TICAM1: variants seen among roughly 807,000 people sequenced by gnomAD.
The protein encoded by TICAM1 is TIR domain-containing adapter molecule 1.
For synonymous variants in TICAM1, 439 were observed against 415.4 expected (o/e 1.06, Z -0.69); for missense variants, 895 against 938.2 (o/e 0.95, Z 0.60).
intron 1 of TICAM1, among the ~76,000 whole-genome samples, chr19:4,825,744 G>A (rs1030225937): frequency 6.6e-6 from 1 of 151,926 alleles, no homozygotes; most frequent in Non-Finnish European, 1.5e-5. Context: ...GATCACCTGA[G>A]TTTAGAAGTT....
chr19:4,825,267 G>A (rs2093603837), intron 1 of TICAM1, among the ~76,000 whole-genome samples: 1 of 152,026 alleles, frequency 6.6e-6, no homozygotes, highest in South Asian at 2.1e-4. Context: ...GCGACAGAGC[G>A]AGACTCTGTC....
rs369756552 is a variant in TICAM1 at position 4,817,416 on chromosome 19, G to A, written c.962C>T (p.Pro321Leu). The A allele has an allele frequency of 1.5e-5, 25 of 1,613,930 alleles. No homozygotes were observed. Among genetic ancestry groups the A allele is most frequent in the Admixed American group, 1.0e-4 (6 of 59,974 alleles). The change falls in exon 2 of 2, where the codon CCG (proline) becomes CTG (leucine). Residue 321 changes from proline to leucine, a missense_variant. Coordinates refer to ENST00000248244, the MANE Select transcript of TICAM1 (RefSeq NM_182919.4). The surrounding 1 kb of genome is among the most constrained non-coding windows in gnomAD (Gnocchi z 4.7). The stretch of plus-strand genomic sequence containing the variant: ...TTTGACAGAGCAGGGGTTTTTGACC[G>A]GCTCCAGAATAGGCAAGGGGAGAGA... ...PQSLPLPILE[P>L]VKNPCSVKDQ... is the part of the protein sequence containing the mutation.
In TICAM1 at chr19:4,828,420, G is replaced by A. The variant is rs376545194; in HGVS notation, c.-140+3194C>T. On this transcript the variant is annotated intron_variant, in intron 1 of 1. Coordinates refer to ENST00000248244, the MANE Select transcript of TICAM1 (RefSeq NM_182919.4). Reference sequence around the variant, plus strand: ...CCCAGCTAATTATTAATGTTTTGTAGGGACGGGGTCTGGAACTCCTGGGCC... The same window carrying A: ...CCCAGCTAATTATTAATGTTTTGTAAGGACGGGGTCTGGAACTCCTGGGCC... Among the ~76,000 whole-genome samples the A allele has an allele frequency of 1.1e-3, 174 of 151,494 alleles. 4 individuals are homozygous for A. The highest frequency in any genetic ancestry group is 4.1e-3 in the African/African-American group (168 of 41,278).
intron 1 of TICAM1, among the ~76,000 whole-genome samples, chr19:4,824,525 G>A (rs1371200621): frequency 1.3e-5 from 2 of 151,008 alleles, no homozygotes. Context: ...AGTAGAGATG[G>A]GGTTGCCTCA....
rs779700744 is a variant in TICAM1, at chr19:4,817,112, G to A, written c.1266C>T (p.Pro422=). 3 of 1,613,990 alleles carry A rather than the reference G, an allele frequency of 1.9e-6. No homozygotes were observed. Among genetic ancestry groups the A allele is most frequent in the East Asian group, 2.2e-5 (1 of 44,880 alleles). ...AATCCTCGCAGAAGGTGGCCCCGTCGGGCACGCCAAGGGCCTCCAGCTTCT... is the reference window on the plus strand; with the variant it reads ...AATCCTCGCAGAAGGTGGCCCCGTCAGGCACGCCAAGGGCCTCCAGCTTCT... The part of the protein sequence containing the change: ...VREKLEALGV[P]DGATFCEDFQ... Residue 422 remains proline (P), a synonymous_variant, in exon 2 of 2, where the codon CCC becomes CCT. Transcript: ENST00000248244. The surrounding 1 kb of genome is among the most constrained non-coding windows in gnomAD (Gnocchi z 4.7).
intron 1 of TICAM1, among the ~76,000 whole-genome samples, chr19:4,824,403 C>T (rs1293790933): frequency 6.9e-6 from 1 of 144,884 alleles, no homozygotes; most frequent in Non-Finnish European, 1.5e-5. Flanking sequence ...GACGCAATCT[C>T]AGCTCACTGC....
chr19:4,818,880 C>CG lies in TICAM1; in HGVS notation c.-139-365dup, dbSNP rs1419372117. Among the ~76,000 whole-genome samples, 1 of 152,036 alleles carries CG rather than the reference C, an allele frequency of 6.6e-6. No homozygotes were observed. Among genetic ancestry groups the CG allele is most frequent in the Admixed American group, 6.6e-5 (1 of 15,216 alleles). ...ATCCCAGCAGTTGTGGAGGCCGAGG[C>CG]GGGGGGATCACCTGAGGTCAGGAGT... On this transcript the variant is annotated intron_variant, in intron 1 of 1. Coordinates refer to ENST00000248244, the MANE Select transcript of TICAM1 (RefSeq NM_182919.4). The surrounding 1 kb of genome is among the most constrained non-coding windows in gnomAD (Gnocchi z 4.0).
At chr19:4,828,736 C>T (rs1041473641) in intron 1 of TICAM1, among the ~76,000 whole-genome samples, 12 of 143,682 alleles carry the variant, frequency 8.4e-5, no homozygotes, top group African/African-American at 3.1e-4. Context: ...CCGAATCTCC[C>T]TCTGTCGCCA....
rs1462586366 is a variant in TICAM1 at position 4,818,694 on chromosome 19, G to A, written c.-139-178C>T. Among the ~76,000 whole-genome samples, 1 of 152,216 alleles carries A rather than the reference G, an allele frequency of 6.6e-6. No homozygotes were observed. The highest frequency in any genetic ancestry group is 1.5e-5 in the Non-Finnish European group (1 of 68,046). On this transcript the variant is annotated intron_variant, in intron 1 of 1. Coordinates refer to ENST00000248244, the MANE Select transcript of TICAM1 (RefSeq NM_182919.4). The surrounding 1 kb of genome is among the most constrained non-coding windows in gnomAD (Gnocchi z 4.0). The stretch of plus-strand genomic sequence containing the variant: ...TCCTCTGCAAAATGCTATGAGGCCA[G>A]TGTGGTGGCTCAGGCCTGTGATCTC...
rs891974684 is a variant in TICAM1 at position 4,826,038 on chromosome 19, G to A, written c.-140+5576C>T. On this transcript the variant is annotated intron_variant, in intron 1 of 1. Coordinates refer to ENST00000248244, the MANE Select transcript of TICAM1 (RefSeq NM_182919.4). ...TAGCTGGGTGTGGTGGTGCATGCCT[G>A]TGGCCCCAGCTCCTTGGTAGACTGA... Among the ~76,000 whole-genome samples the A allele has an allele frequency of 2.0e-5, 3 of 151,934 alleles. No individual in the cohort carries two copies. In the South Asian group the frequency reaches 6.2e-4, roughly 32 times the overall value.
At chr19:4,828,192 A>G (rs975545863) in intron 1 of TICAM1, among the ~76,000 whole-genome samples, 7 of 150,288 alleles carry the variant, frequency 4.7e-5, no homozygotes, top group African/African-American at 1.7e-4. Context: ...TCGGCTCACT[A>G]CAAGTTCTGC....
intron 1 of TICAM1, among the ~76,000 whole-genome samples, chr19:4,827,046 G>A (rs1258190359): frequency 2.0e-5 from 3 of 151,692 alleles, no homozygotes; most frequent in Middle Eastern, 3.4e-3. Flanking sequence ...AGGCACAATC[G>A]GACAATAAGA....
At chr19:4,822,042 T>C (rs1158464639) in intron 1 of TICAM1, among the ~76,000 whole-genome samples, 2 of 151,342 alleles carry the variant, frequency 1.3e-5, no homozygotes, top group East Asian at 3.9e-4. Context: ...TTCAAGCAAT[T>C]CTCCTGCTTC....
At chr19:4,820,924 G>T (rs1435331284) in intron 1 of TICAM1, among the ~76,000 whole-genome samples, 1 of 151,548 alleles carries the variant, frequency 6.6e-6, no homozygotes, top group African/African-American at 2.4e-5. Flanking sequence ...AGGTGTGGTG[G>T]CTCATGCTGC....
chr19:4,823,797 C>T (rs2093601615), intron 1 of TICAM1, among the ~76,000 whole-genome samples: 1 of 152,126 alleles, frequency 6.6e-6, no homozygotes, highest in African/African-American at 2.4e-5. Flanking sequence ...CTTCCAGCCT[C>T]CATAACTGTG....
chr19:4,816,519 G>T lies in TICAM1; in HGVS notation c.1859C>A (p.Pro620His). ...CGGGCACCCCGGCCAAGTGGGAAAG[G>T]GTGGCGGGGCTCCCAGGGGCACCTG... The part of the protein sequence containing the change: ...GGQVPLGAPP[P>H]FPTWPGCPQP... Residue 620 changes from proline (P) to histidine (H), a missense_variant, in exon 2 of 2, where the codon CCC becomes CAC. By Grantham distance (77) the Pro-to-His change is moderately conservative (BLOSUM62 -2). Coordinates refer to ENST00000248244, the MANE Select transcript of TICAM1 (RefSeq NM_182919.4). The surrounding 1 kb of genome is among the most constrained non-coding windows in gnomAD (Gnocchi z 4.3). 1 of 1,595,638 alleles carries T rather than the reference G, an allele frequency of 6.3e-7. No homozygotes were observed. Among genetic ancestry groups the T allele is most frequent in the Non-Finnish European group, 8.5e-7 (1 of 1,171,938 alleles).
At position 4,826,812 on chromosome 19, in the gene TICAM1, T is replaced by C. The variant is rs114359979; in HGVS notation, c.-140+4802A>G. ...GAACCCAGGCTGTCTGGTTCTAGAA[T>C]CCACTGAGCTTTTTGGCTCCTTTTA... On this transcript the variant is annotated intron_variant, in intron 1 of 1. Coordinates refer to ENST00000248244, the MANE Select transcript of TICAM1 (RefSeq NM_182919.4). 8.1e-3 allele frequency among the ~76,000 whole-genome samples: 1,236 copies of C among 152,172 alleles called. 20 individuals carry two copies. The highest frequency in any genetic ancestry group is 0.028 in the African/African-American group (1,183 of 41,534).
chr19:4,820,927 C>T (rs1156300928), intron 1 of TICAM1, among the ~76,000 whole-genome samples: 2 of 151,314 alleles, frequency 1.3e-5, no homozygotes, highest in South Asian at 2.1e-4. Context: ...TGTGGTGGCT[C>T]ATGCTGCTAA....
intron 1 of TICAM1, among the ~76,000 whole-genome samples, chr19:4,826,225 C>T (rs933376643): frequency 6.6e-6 from 1 of 151,538 alleles, no homozygotes; most frequent in African/African-American, 2.4e-5. Context: ...TATATTGGAC[C>T]ATGTTGGGTA....
Sources: gnomAD v4.1 joint callset for allele counts (sites outside exome capture counted in the v4.1 genomes callset) on GRCh38, gnomAD v4.1.1 for gene constraint, Gnocchi (gnomAD v3.1) non-coding constraint, MANE v1.5 for transcripts, NCBI Gene and HGNC (gene_info 2026-07-23, HGNC 2026-07-21) for gene names.